Variants in NLRP5 observed in about 807,000 individuals in gnomAD.
NLRP5 encodes the protein NACHT, LRR and PYD domains-containing protein 5.
A neutral mutation model predicts 113.1 loss-of-function variants in NLRP5; 93 were observed. The ratio of observed to expected loss-of-function variants is 0.82; its 90% CI spans 0.70 to 0.98. The LOEUF is 0.98. NLRP5 is among the 50% of genes least tolerant of loss of function. The pLI is 0.00. For synonymous variants in NLRP5, 751 were observed against 600.7 expected (o/e 1.25, Z -3.66); for missense variants, 1,808 against 1,514.3 (o/e 1.19, Z -3.22).
chr19:56,056,840 T>C (rs1984171974), intron 13 of NLRP5, among the ~76,000 whole-genome samples: 1 of 152,102 alleles, frequency 6.6e-6, no homozygotes, highest in African/African-American at 2.4e-5. Flanking sequence ...TAACTTTTTA[T>C]TCTATCATAA....
chr19:56,034,068 C>T lies in NLRP5; in HGVS notation c.2615+359C>T, dbSNP rs762023520. Among the ~76,000 whole-genome samples, 4 of 152,140 alleles carry T rather than the reference C, an allele frequency of 2.6e-5. No homozygotes were observed. In the South Asian group the frequency reaches 6.2e-4, roughly 24 times the overall value. ...TATAGGCTTGAGCCACCATACCCAG[C>T]GAGATTTTAATTGTATAGAGGTTGA... is the stretch of plus-strand genomic sequence containing the variant. On this transcript the variant is annotated intron_variant, in intron 9 of 14. Coordinates refer to ENST00000390649, the MANE Select transcript of NLRP5 (RefSeq NM_153447.4).
rs1568491533 is a variant in NLRP5 at position 56,027,807 on chromosome 19, G to C, written c.1574G>C (p.Arg525Thr). 1 of 1,614,036 alleles carries C rather than the reference G, an allele frequency of 6.2e-7. No individual in the cohort carries two copies. Among genetic ancestry groups the C allele is most frequent in the Non-Finnish European group, 8.5e-7 (1 of 1,179,902 alleles). Residue 525 changes from arginine to threonine, a missense_variant, in exon 7 of 15, where the codon AGA becomes ACA. Arg to Thr is a moderately conservative substitution (Grantham distance 71). Coordinates refer to ENST00000390649, the MANE Select transcript of NLRP5 (RefSeq NM_153447.4). ...CGGCGCTGTCTCAATCTGGAGGAAA[G>C]AGTTGTCCTGAAGCGCTTCTGCCGT...
rs1568496212 is a variant in NLRP5, at chr19:56,038,093, G to A, written c.2684G>A (p.Ser895Asn). ...TCCCAAATCCTTACGACCTCCCCCAGCCTGAAATCTCTGAGCCTGGCAGGA... is the reference window on the plus strand; with the variant it reads ...TCCCAAATCCTTACGACCTCCCCCAACCTGAAATCTCTGAGCCTGGCAGGA... Residue 895 changes from serine (S) to asparagine (N), a missense_variant, in exon 10 of 15, where the codon AGC (serine) becomes AAC (asparagine). Coordinates refer to ENST00000390649, the MANE Select transcript of NLRP5 (RefSeq NM_153447.4). 2 of 1,613,978 alleles carry A rather than the reference G, an allele frequency of 1.2e-6. No individual in the cohort carries two copies. The highest frequency in any genetic ancestry group is 3.3e-5 in the Admixed American group (2 of 60,020).
In NLRP5 at chr19:56,028,002, T is replaced by C; in HGVS notation, c.1769T>C (p.Phe590Ser). 2 of 1,614,018 alleles carry C rather than the reference T, an allele frequency of 1.2e-6. No homozygotes were observed. Among genetic ancestry groups the C allele is most frequent in the Non-Finnish European group, 1.7e-6 (2 of 1,179,884 alleles). ...TTCTTCCACCTCAGTCTCCAGGACT[T>C]CTGTGCCGCCTTGTACTACGTGTTA... Residue 590 changes from phenylalanine (F) to serine (S), a missense_variant, in exon 7 of 15, where the codon TTC becomes TCC. Coordinates refer to ENST00000390649, the MANE Select transcript of NLRP5 (RefSeq NM_153447.4).
the NLRP5 span, among the ~76,000 whole-genome samples, chr19:55,990,088 T>A: frequency 1.5e-5 from 1 of 65,422 alleles, no homozygotes; most frequent in Non-Finnish European, 3.4e-5. Context: ...TCTTTTTTTT[T>A]TTTTTTTTTT....
chr19:56,024,481 G>T (rs1336927877), intron 6 of NLRP5, among the ~76,000 whole-genome samples: 2 of 144,612 alleles, frequency 1.4e-5, no homozygotes, highest in African/African-American at 2.5e-5. Flanking sequence ...GTGTGTATAC[G>T]TACATGCGTA....
intron 11 of NLRP5, among the ~76,000 whole-genome samples, chr19:56,043,755 T>G (rs1165604082): frequency 3.3e-5 from 5 of 151,338 alleles, no homozygotes; most frequent in Admixed American, 3.3e-4. Context: ...TTGTGTGTGT[T>G]TTTAGTAGAG....
intron 2 of NLRP5, among the ~76,000 whole-genome samples, chr19:56,005,635 C>G (rs921098164): frequency 2.8e-5 from 4 of 145,106 alleles, no homozygotes; most frequent in Non-Finnish European, 6.0e-5. Context: ...TACACACACA[C>G]ACACACACGC....
At chr19:56,035,018 A>G (rs1379686569) in intron 9 of NLRP5, among the ~76,000 whole-genome samples, 2 of 152,160 alleles carry the variant, frequency 1.3e-5, no homozygotes, top group Non-Finnish European at 2.9e-5. Context: ...AGCTCACTGC[A>G]ACGTCCACCT....
rs2867231 is a variant in NLRP5 at position 56,037,298 on chromosome 19, C to A, written c.2616-727C>A. Reference sequence around the variant, plus strand: ...GTGTACCAGGCACCGTCGCAGCTGCCGAGGGGACCATAGAGAACAAAGCAA... The same window carrying A: ...GTGTACCAGGCACCGTCGCAGCTGCAGAGGGGACCATAGAGAACAAAGCAA... On this transcript the variant is annotated intron_variant, in intron 9 of 14. Transcript: ENST00000390649. Among the ~76,000 whole-genome samples the A allele has an allele frequency of 6.3e-3, 952 of 152,180 alleles. 6 individuals carry two copies. Among genetic ancestry groups the A allele is most frequent in the African/African-American group, 0.022 (904 of 41,492 alleles).
chr19:55,997,441 T>A (rs1210726572), upstream of NLRP5, among the ~76,000 whole-genome samples: 2 of 152,194 alleles, frequency 1.3e-5, no homozygotes, highest in Non-Finnish European at 2.9e-5. Context: ...TTTCTGGTTT[T>A]GGTATCAGGA....
upstream of NLRP5, among the ~76,000 whole-genome samples, chr19:55,997,411 T>A (rs1473054715): frequency 1.3e-5 from 2 of 152,308 alleles, no homozygotes; most frequent in Non-Finnish European, 2.9e-5. Context: ...TGGCCTGTAG[T>A]TTTCTTTTTT....
At chr19:56,019,513 A>C in intron 5 of NLRP5, 115 bp downstream of exon 5, 4 of 1,238,248 alleles carry the variant, frequency 3.2e-6, no homozygotes, top group East Asian at 2.4e-5. Flanking sequence ...CTTCATTCTC[A>C]TTTGTCTCTG....
chr19:55,988,581 T>C, the NLRP5 span: 1 of 150,914 alleles, frequency 6.6e-6, no homozygotes, highest in African/African-American at 2.4e-5. Context: ...TCTGAATGTA[T>C]GAACCTGCTC....
At chr19:56,061,370 A>T (rs1984346123) in intron 14 of NLRP5, 26 bp from the exon 15 acceptor site, 1 of 1,610,744 alleles carries the variant, frequency 6.2e-7, no homozygotes, top group South Asian at 1.1e-5. Context: ...ACATCTCAGT[A>T]ACGAGTCCTC....
At chr19:56,008,032 C>A (rs113859286) in intron 2 of NLRP5, among the ~76,000 whole-genome samples, 5 of 113,060 alleles carry the variant, frequency 4.4e-5, no homozygotes, top group African/African-American at 1.6e-4. Context: ...GGGTTCGTGC[C>A]ATTCTCCTGC....
intron 3 of NLRP5, among the ~76,000 whole-genome samples, chr19:56,011,745 G>GT (rs750944056): frequency 1.3e-4 from 20 of 150,824 alleles, no homozygotes; most frequent in Admixed American, 2.6e-4. Context: ...CCAGGCTGGA[G>GT]TGCAATGGCT....
intron 7 of NLRP5, among the ~76,000 whole-genome samples, chr19:56,031,526 G>T (rs571353325): frequency 6.6e-6 from 1 of 151,528 alleles, no homozygotes; most frequent in Non-Finnish European, 1.5e-5. Context: ...AGCTACTTGG[G>T]AGGCTGAGGC....
intron 9 of NLRP5, among the ~76,000 whole-genome samples, chr19:56,037,208 C>G (rs1017975873): frequency 3.3e-5 from 5 of 152,124 alleles, no homozygotes; most frequent in Admixed American, 6.6e-5. Context: ...GTACGTTCCT[C>G]TTTCGTAAAT....
Sources: allele counts gnomAD v4.1 joint callset (sites outside exome capture counted in the v4.1 genomes callset), GRCh38; gene constraint gnomAD v4.1.1; transcripts MANE v1.5; gene names NCBI Gene and HGNC (gene_info 2026-07-23, HGNC 2026-07-21).